Variants in STON2 observed in about 807,000 individuals in gnomAD.
STON2 encodes the protein stonin-2.
Under a neutral mutation model 65.7 loss-of-function variants are expected in STON2, and 29 were observed. The observed-to-expected ratio is 0.44, with a 90% CI of 0.33 to 0.60. The LOEUF (loss-of-function observed/expected upper bound fraction) is 0.60. Among genes scored for constraint, STON2 ranks in the 20% least tolerant of loss-of-function variants. The pLI is 0.03. For synonymous variants in STON2, 404 were observed against 414.2 expected, an observed-to-expected ratio of 0.98 and a Z score of 0.30; for missense variants, 1,054 against 1,118.1, an observed-to-expected ratio of 0.94 and a Z score of 0.82.
At chr14:81,435,048 A>C (rs747451937) in intron 1 of STON2, among the ~76,000 whole-genome samples, 5 of 152,150 alleles carry the variant, frequency 3.3e-5, no homozygotes, top group Non-Finnish European at 2.9e-5. Context: ...ACTTCCCCCA[A>C]ATCAGCCATG....
chr14:81,408,950 C>A (rs557847675), intron 2 of STON2, among the ~76,000 whole-genome samples: 4 of 152,160 alleles, frequency 2.6e-5, no homozygotes, highest in Non-Finnish European at 5.9e-5. Flanking sequence ...TTGGTACATT[C>A]ATCTTGGTTT....
chr14:81,347,510 T>C (rs1897852309), intron 4 of STON2, among the ~76,000 whole-genome samples: 1 of 150,542 alleles, frequency 6.6e-6, no homozygotes, highest in Admixed American at 6.7e-5. Flanking sequence ...AGAATTAACA[T>C]CAATTCTTCT....
chr14:81,358,271 G>A (rs1282873897), intron 4 of STON2, among the ~76,000 whole-genome samples: 1 of 152,150 alleles, frequency 6.6e-6, no homozygotes, highest in Non-Finnish European at 1.5e-5. Context: ...ACCATAAGGT[G>A]TGGGGGGAGG....
At chr14:81,429,708 T>G (rs1487369623) in intron 1 of STON2, among the ~76,000 whole-genome samples, 1 of 152,020 alleles carries the variant, frequency 6.6e-6, no homozygotes, top group African/African-American at 2.4e-5. Context: ...CCGAGGCAGG[T>G]GGACCACCTG....
At chr14:81,412,976 G>T in intron 2 of STON2, 1 of 1,051,178 alleles carries the variant, frequency 9.5e-7, no homozygotes, top group South Asian at 1.4e-5. Context: ...AACCATGTGC[G>T]ACCAAAAGGC....
At chr14:81,370,915 A>C (rs879263602) in intron 4 of STON2, 73 bp downstream of exon 4, 29 of 1,405,426 alleles carry the variant, frequency 2.1e-5, no homozygotes, top group Non-Finnish European at 2.8e-5. Context: ...GCAATTTTTA[A>C]AAGGACTTTA....
Position 81,261,705 on chromosome 14 carries a change from G to A in STON2, c.*6709C>T. Reference sequence around the variant, plus strand: ...ATCCTATCATCCCCAGTACTTGGAGGGTTAGACCTACTTCTGTGTCAGGTA... The same window carrying A: ...ATCCTATCATCCCCAGTACTTGGAGAGTTAGACCTACTTCTGTGTCAGGTA... On this transcript the variant is annotated 3_prime_UTR_variant, in exon 8 of 8. Transcript: ENST00000614646. The A allele has an allele frequency of 2.2e-6, 3 of 1,339,316 alleles. No homozygotes were observed. In the South Asian group the frequency reaches 5.4e-5, roughly 24 times the overall value. The allele number at this position is 1,339,316 out of a possible 1,614,324, so 83.0% of individuals were successfully genotyped here.
At chr14:81,322,257 G>A (rs910910721) in intron 5 of STON2, among the ~76,000 whole-genome samples, 5 of 152,190 alleles carry the variant, frequency 3.3e-5, no homozygotes, top group East Asian at 1.9e-4. Flanking sequence ...GTTTTGTACC[G>A]TAACGTGTAG....
chr14:81,372,525 A>G (rs1899049838), intron 3 of STON2, among the ~76,000 whole-genome samples: 1 of 150,358 alleles, frequency 6.7e-6, no homozygotes, highest in Non-Finnish European at 1.5e-5. Flanking sequence ...ACTCCAGCCT[A>G]GACAACAAGA....
intron 2 of STON2, among the ~76,000 whole-genome samples, chr14:81,409,535 A>G (rs912059606): frequency 2.0e-5 from 3 of 152,176 alleles, no homozygotes; most frequent in Admixed American, 6.5e-5. Flanking sequence ...CAATTAGTAT[A>G]TAGTTCCAGA....
Position 81,262,170 on chromosome 14 carries a change from GC to G in STON2, c.*6243del. On this transcript the variant is annotated 3_prime_UTR_variant, in exon 8 of 8. Coordinates refer to ENST00000614646, the MANE Select transcript of STON2 (RefSeq NM_001394390.1). ...CACTTTTTTGTCTCAGGAAACTGAA[GC>G]CCAATTGGGAAAACAGCAACTTACT... 1.0e-6 allele frequency: 1 copy of G among 985,202 alleles called. No individual in the cohort carries two copies. The highest frequency in any genetic ancestry group is 4.7e-5 in the South Asian group (1 of 21,278). The allele number at this position is 985,202 out of a possible 1,614,324, so 61.0% of individuals were successfully genotyped here.
rs1319335006 is a variant in STON2, at chr14:81,277,751, G to A, written c.1731C>T (p.His577=). The A allele has an allele frequency of 8.1e-6, 13 of 1,614,064 alleles. No homozygotes were observed. The highest frequency in any genetic ancestry group is 1.3e-5 in the African/African-American group (1 of 74,926). Residue 577 remains histidine, a synonymous_variant, in exon 6 of 8, where the codon CAC becomes CAT. Transcript: ENST00000614646. The part of the protein sequence containing the change: ...KKYQPKPAVA[H]TAEREQVIKL... ...TAATCACCTGTTCCCTCTCTGCTGTGTGGGCCACAGCAGGTTTGGGCTGGT... is the reference window on the plus strand; with the variant it reads ...TAATCACCTGTTCCCTCTCTGCTGTATGGGCCACAGCAGGTTTGGGCTGGT...
rs17631893 is a variant in STON2, at chr14:81,287,977, A to T, written c.743-9238T>A. On this transcript the variant is annotated intron_variant, in intron 5 of 7. Transcript: ENST00000614646. ...ACCTTGCTGTGGTCTGATACGGCAA[A>T]CACCAGTTCCCCAGCAGAGGTCTCA... 5.7e-3 allele frequency among the ~76,000 whole-genome samples: 861 copies of T among 152,284 alleles called. 3 individuals carry two copies. The highest frequency in any genetic ancestry group is 0.012 in the South Asian group (56 of 4,824).
At chr14:81,370,150 C>G (rs1428896238) in intron 4 of STON2, among the ~76,000 whole-genome samples, 2 of 152,156 alleles carry the variant, frequency 1.3e-5, no homozygotes, top group African/African-American at 4.8e-5. Flanking sequence ...GGGCAAACAT[C>G]CGAAGCTTAA....
intron 3 of STON2, among the ~76,000 whole-genome samples, chr14:81,373,261 C>G (rs2140371870): frequency 6.6e-6 from 1 of 152,202 alleles, no homozygotes; most frequent in South Asian, 2.1e-4. Context: ...CATTCCATAA[C>G]AGTCTATACT....
intron 5 of STON2, among the ~76,000 whole-genome samples, chr14:81,315,407 G>A (rs183457637): frequency 1.3e-5 from 2 of 152,340 alleles, no homozygotes; most frequent in East Asian, 3.9e-4. Flanking sequence ...GCTTTGTGCT[G>A]TCTCTTTGTC....
intron 4 of STON2, among the ~76,000 whole-genome samples, chr14:81,366,513 G>A (rs926752590): frequency 2.6e-5 from 4 of 152,052 alleles, no homozygotes; most frequent in Non-Finnish European, 5.9e-5. Flanking sequence ...GGATGAGACT[G>A]CAGTTCCAAG....
rs142969840 is a variant in STON2, at chr14:81,433,558, G to C, written c.-310+2763C>G. Among the ~76,000 whole-genome samples, 55 of 152,340 alleles carry C rather than the reference G, an allele frequency of 3.6e-4. 1 individual carries two copies. Among genetic ancestry groups the C allele is most frequent in the South Asian group, 2.9e-3 (14 of 4,822 alleles). The stretch of plus-strand genomic sequence containing the variant: ...CAGCCATACCTTGCTGTCTGCAGCT[G>C]GTTTAGACTTCCCCATACCACGGAC... On this transcript the variant is annotated intron_variant, in intron 1 of 8. Transcript: ENST00000553821.
At chr14:81,375,968 T>C (rs1899234024) in intron 3 of STON2, among the ~76,000 whole-genome samples, 2 of 151,262 alleles carry the variant, frequency 1.3e-5, no homozygotes, top group African/African-American at 2.4e-5. Flanking sequence ...TTCTAAATAA[T>C]TCACTGGCCA....
Sources: allele counts gnomAD v4.1 joint callset (sites outside exome capture counted in the v4.1 genomes callset), GRCh38; gene constraint gnomAD v4.1.1; transcripts MANE v1.5; gene names NCBI Gene and HGNC (gene_info 2026-07-23, HGNC 2026-07-21).